Variants in TMEM132D observed in about 807,000 individuals in gnomAD.
TMEM132D encodes the protein transmembrane protein 132D.
TMEM132D carries 21 observed loss-of-function variants against 62.3 expected under a neutral mutation model. The observed-to-expected ratio is 0.34, with a 90% CI of 0.24 to 0.49. The LOEUF is 0.49. Ranked by LOEUF, TMEM132D falls within the 20% of genes least tolerant of loss-of-function variation. The probability of loss-of-function intolerance (pLI) is 0.99; values close to 1 mark genes in which losing one functional copy is unlikely to be tolerated. For missense variants in TMEM132D, 1,346 were observed against 1,402.8 expected, an observed-to-expected ratio of 0.96 and a Z score of 0.65; for synonymous variants, 621 against 575.6, an observed-to-expected ratio of 1.08 and a Z score of -1.13.
intron 1 of TMEM132D, among the ~76,000 whole-genome samples, chr12:129,780,177 T>C (rs1871076136): frequency 6.6e-6 from 1 of 152,236 alleles, no homozygotes; most frequent in South Asian, 2.1e-4. Context: ...TTTCTGCCTT[T>C]GAGGTTTCTC....
chr12:129,551,289 T>G (rs2137105910), intron 2 of TMEM132D, among the ~76,000 whole-genome samples: 1 of 152,342 alleles, frequency 6.6e-6, no homozygotes, highest in Non-Finnish European at 1.5e-5. Flanking sequence ...GTTTGTGTGC[T>G]TTGCTATGCA....
rs1874081609 is a variant in TMEM132D, at chr12:129,867,051, C to A, written c.79+36210G>T. Among the ~76,000 whole-genome samples, 2 of 151,570 alleles carry A rather than the reference C, an allele frequency of 1.3e-5. No individual in the cohort carries two copies. The highest frequency in any genetic ancestry group is 1.3e-4 in the Admixed American group (2 of 15,176). On this transcript the variant is annotated intron_variant, in intron 1 of 8. Coordinates refer to ENST00000422113, the MANE Select transcript of TMEM132D (RefSeq NM_133448.3). The surrounding 1 kb of genome is among the most constrained non-coding windows in gnomAD (Gnocchi z 4.5). Reference sequence around the variant, plus strand: ...TGGCCTGAGCTCAGGAGTTGGAGACCAGACTGGGCAACACGGAAAAACCCC... The same window carrying A: ...TGGCCTGAGCTCAGGAGTTGGAGACAAGACTGGGCAACACGGAAAAACCCC...
chr12:129,663,474 C>A (rs1282853772), intron 2 of TMEM132D, among the ~76,000 whole-genome samples: 1 of 152,134 alleles, frequency 6.6e-6, no homozygotes, highest in African/African-American at 2.4e-5. Flanking sequence ...CATTGGGGTC[C>A]ACAAAACCCC....
At chr12:129,749,411 G>C (rs1405768717) in intron 1 of TMEM132D, among the ~76,000 whole-genome samples, 7 of 152,062 alleles carry the variant, frequency 4.6e-5, no homozygotes, top group Non-Finnish European at 1.0e-4. Flanking sequence ...CTTCAGGTGA[G>C]GCAACAGCTT....
chr12:129,143,449 G>A (rs919102064), intron 5 of TMEM132D, among the ~76,000 whole-genome samples: 4 of 152,134 alleles, frequency 2.6e-5, no homozygotes, highest in African/African-American at 9.7e-5. Flanking sequence ...GAAGCTTCAC[G>A]ATATCAGCAT....
At chr12:129,296,257 G>A (rs927965346) in intron 4 of TMEM132D, among the ~76,000 whole-genome samples, 3 of 152,098 alleles carry the variant, frequency 2.0e-5, no homozygotes, top group South Asian at 2.1e-4. Context: ...TATGCACTGC[G>A]TGATTTTGAG....
rs1057482249 is a variant in TMEM132D at position 129,281,069 on chromosome 12, C to T, written c.1299+56565G>A. On this transcript the variant is annotated intron_variant, in intron 4 of 8. Transcript: ENST00000422113. The stretch of plus-strand genomic sequence containing the variant: ...GGAAATAAGGCCACTTTCTGAGATT[C>T]TTCTTACTTCTATAGTACCAACCAG... Among the ~76,000 whole-genome samples, 8 of 152,264 alleles carry T rather than the reference C, an allele frequency of 5.3e-5. No homozygotes were observed. In the East Asian group the frequency reaches 1.5e-3, roughly 29 times the overall value.
At chr12:129,537,658 T>C (rs1876436054) in intron 2 of TMEM132D, among the ~76,000 whole-genome samples, 2 of 152,202 alleles carry the variant, frequency 1.3e-5, no homozygotes, top group Non-Finnish European at 2.9e-5. Flanking sequence ...TTGCTAACTG[T>C]GAGGCATTAC....
intron 2 of TMEM132D, among the ~76,000 whole-genome samples, chr12:129,658,022 G>A (rs182588517): frequency 2.0e-5 from 3 of 152,318 alleles, no homozygotes; most frequent in Admixed American, 6.5e-5. Flanking sequence ...GGACAGATGA[G>A]CATTGAAATC....
chr12:129,437,448 G>A (rs1872816409), intron 3 of TMEM132D, among the ~76,000 whole-genome samples: 1 of 152,162 alleles, frequency 6.6e-6, no homozygotes, highest in Non-Finnish European at 1.5e-5. Flanking sequence ...GTTAATAGAG[G>A]TTAAGTATGA....
Position 129,701,519 on chromosome 12 carries a change from G to A in TMEM132D, c.80-821C>T, listed in dbSNP as rs181393023. On this transcript the variant is annotated intron_variant, in intron 1 of 8. Coordinates refer to ENST00000422113, the MANE Select transcript of TMEM132D (RefSeq NM_133448.3). ...GGGAAGGGCAGCACCTCGCTTCCAT[G>A]CCAGCCACATCCTGTGGACACTACG... Among the ~76,000 whole-genome samples, 377 of 152,312 alleles carry A rather than the reference G, an allele frequency of 2.5e-3. 2 individuals are homozygous for A. The highest frequency in any genetic ancestry group is 8.6e-3 in the African/African-American group (359 of 41,556).
At chr12:129,684,321 G>A (rs1880855131) in intron 2 of TMEM132D, among the ~76,000 whole-genome samples, 1 of 152,074 alleles carries the variant, frequency 6.6e-6, no homozygotes, top group Non-Finnish European at 1.5e-5. Flanking sequence ...AGATCTGATG[G>A]TTTTATAAGG....
intron 1 of TMEM132D, among the ~76,000 whole-genome samples, chr12:129,895,707 A>G (rs1451423508): frequency 6.6e-6 from 1 of 152,276 alleles, no homozygotes; most frequent in African/African-American, 2.4e-5. Flanking sequence ...TATATTCACG[A>G]AGTCAATCTA....
At chr12:129,543,830 TCTACACATA>T (rs1876659002) in intron 2 of TMEM132D, among the ~76,000 whole-genome samples, 1 of 152,256 alleles carries the variant, frequency 6.6e-6, no homozygotes, top group South Asian at 2.1e-4. Context: ...CATTCTTTTT[TCTACACATA>T]CTAATCCATT....
At chr12:129,697,049 C>T (rs555371354) in intron 2 of TMEM132D, among the ~76,000 whole-genome samples, 4 of 152,148 alleles carry the variant, frequency 2.6e-5, no homozygotes, top group Admixed American at 6.5e-5. Flanking sequence ...GTGCTTCAGC[C>T]GTCGCATGCC....
intron 2 of TMEM132D, among the ~76,000 whole-genome samples, chr12:129,611,499 T>C (rs1565922216): frequency 1.3e-5 from 2 of 152,186 alleles, no homozygotes; most frequent in Non-Finnish European, 2.9e-5. Context: ...TCATGGAAGC[T>C]TGGGGGCCCA....
chr12:129,483,525 T>C (rs1874489667), intron 3 of TMEM132D, among the ~76,000 whole-genome samples: 3 of 152,260 alleles, frequency 2.0e-5, no homozygotes, highest in African/African-American at 7.2e-5. Context: ...ATATTTCACA[T>C]AGTTTTACTA....
chr12:129,474,821 G>A (rs988410271), intron 3 of TMEM132D, among the ~76,000 whole-genome samples: 9 of 152,134 alleles, frequency 5.9e-5, no homozygotes, highest in African/African-American at 1.9e-4. Context: ...TTCTGGAAGC[G>A]ATGACATTGA....
intron 5 of TMEM132D, among the ~76,000 whole-genome samples, chr12:129,140,214 C>CCCCACACACA: frequency 6.7e-6 from 1 of 148,662 alleles, no homozygotes; most frequent in Middle Eastern, 3.4e-3. Flanking sequence ...GGCGCTGTTA[C>CCCCACACACA]CACACACACA....
Sources: allele counts gnomAD v4.1 joint callset (sites outside exome capture counted in the v4.1 genomes callset), GRCh38; gene constraint gnomAD v4.1.1; non-coding constraint Gnocchi (gnomAD v3.1); transcripts MANE v1.5; gene names NCBI Gene and HGNC (gene_info 2026-07-23, HGNC 2026-07-21).